EXTL3: variants seen among roughly 807,000 people sequenced by gnomAD.
EXTL3 encodes the protein exostosin-like 3.
A neutral mutation model predicts 69.3 loss-of-function variants in EXTL3; 27 were observed. The ratio of observed to expected loss-of-function variants is 0.39; its 90% CI spans 0.29 to 0.54. The LOEUF is 0.54. EXTL3 is among the 20% of genes least tolerant of loss of function. The pLI is 0.69. For missense variants in EXTL3, 1,003 were observed against 1,231.8 expected, an observed-to-expected ratio of 0.81 and a Z score of 2.78; for synonymous variants, 511 against 499.4, an observed-to-expected ratio of 1.02 and a Z score of -0.31.
chr8:28,680,385 CAAA>C (rs34805922), intron 1 of EXTL3, among the ~76,000 whole-genome samples: 1,139 of 110,820 alleles, frequency 0.01, 14 homozygotes, highest in African/African-American at 0.033. Context: ...GACTCTGTCT[CAAA>C]AAAAAAAAAA....
rs1199751139 is a variant in EXTL3 at position 28,731,244 on chromosome 8, A to G, written c.2170A>G (p.Ser724Gly). The G allele has an allele frequency of 1.9e-6, 3 of 1,614,068 alleles. No homozygotes were observed. The Admixed American group carries it at 5.0e-5, about 27-fold the overall frequency. The change falls in exon 4 of 7, where the codon AGT (serine) becomes GGT (glycine). Residue 724 changes from serine (S) to glycine (G), a missense_variant. Physicochemically the swap from Ser to Gly is moderately conservative, Grantham distance 56. This residue lies in a region of EXTL3 where 261 missense variants were observed against 416.4 expected (regional missense o/e 0.63). Transcript: ENST00000220562. Reference sequence around the variant, plus strand: ...ACAGGTGGTCCGTACTGAGAAGAACAGTTTGAACAACCGATTCTTACCCTG... The same window carrying G: ...ACAGGTGGTCCGTACTGAGAAGAACGGTTTGAACAACCGATTCTTACCCTG... ...PIMVVRTEKN[S>G]LNNRFLPWNE...
At chr8:28,690,038 G>A (rs1013731348) in intron 1 of EXTL3, among the ~76,000 whole-genome samples, 2 of 152,128 alleles carry the variant, frequency 1.3e-5, no homozygotes, top group African/African-American at 4.8e-5. Flanking sequence ...GCATCCCTGG[G>A]GGGCTACAGG....
chr8:28,677,919 C>T (rs1014543927), intron 1 of EXTL3, among the ~76,000 whole-genome samples: 9 of 152,246 alleles, frequency 5.9e-5, no homozygotes, highest in African/African-American at 2.2e-4. Flanking sequence ...TCATCTTCTT[C>T]TCTCTTTTGA....
At chr8:28,661,356 TACAC>T (rs112453996) in intron 1 of EXTL3, among the ~76,000 whole-genome samples, 8 of 151,698 alleles carry the variant, frequency 5.3e-5, no homozygotes, top group South Asian at 2.1e-4. Flanking sequence ...TATATATATA[TACAC>T]ACACACATAT....
intron 1 of EXTL3, among the ~76,000 whole-genome samples, chr8:28,630,888 CATGTCAGGAATGGCATGGTGCCAGGT>C: frequency 6.6e-6 from 1 of 152,176 alleles, no homozygotes; most frequent in Non-Finnish European, 1.5e-5. Context: ...AGAAGGAAGG[CATGTCAGGAATGGCATGGTGCCAGGT>C]ATATAGGAGA....
At chr8:28,648,959 T>C (rs1806876778) in intron 1 of EXTL3, among the ~76,000 whole-genome samples, 1 of 152,094 alleles carries the variant, frequency 6.6e-6, no homozygotes, top group Non-Finnish European at 1.5e-5. Flanking sequence ...AGTGGTGCAA[T>C]CTCGGCTCAC....
chr8:28,662,773 G>T (rs548508332), intron 1 of EXTL3, among the ~76,000 whole-genome samples: 75 of 152,238 alleles, frequency 4.9e-4, no homozygotes, highest in Admixed American at 9.8e-4. Context: ...TTAGCCAGGC[G>T]TGGTGGCACG....
At chr8:28,669,466 G>C (rs1484851037) in intron 1 of EXTL3, among the ~76,000 whole-genome samples, 1 of 152,152 alleles carries the variant, frequency 6.6e-6, no homozygotes. Flanking sequence ...TACTCTATTA[G>C]ATAAATTGAT....
At chr8:28,734,989 C>A (rs929487638) in intron 4 of EXTL3, among the ~76,000 whole-genome samples, 1 of 152,162 alleles carries the variant, frequency 6.6e-6, no homozygotes, top group Non-Finnish European at 1.5e-5. Flanking sequence ...TTCTTATTCT[C>A]CCCCACCCAG....
chr8:28,685,149 A>G (rs1563204081), intron 1 of EXTL3, among the ~76,000 whole-genome samples: 1 of 152,030 alleles, frequency 6.6e-6, no homozygotes, highest in Non-Finnish European at 1.5e-5. Flanking sequence ...GTGGAGTTTC[A>G]CCATGTTGGC....
chr8:28,704,943 C>T lies in EXTL3; in HGVS notation c.-570+3284C>T, dbSNP rs1295570226. The stretch of plus-strand genomic sequence containing the variant: ...GTGCTGGGATATAGGCTTGAGCCGC[C>T]GCATCCGGCTTCCTTTGTTTCTGAA... On this transcript the variant is annotated intron_variant, in intron 1 of 6. Coordinates refer to ENST00000220562, the MANE Select transcript of EXTL3 (RefSeq NM_001440.4). Among the ~76,000 whole-genome samples the T allele has an allele frequency of 6.6e-5, 10 of 152,232 alleles. No homozygotes were observed. In the East Asian group the frequency reaches 7.7e-4, roughly 12 times the overall value.
chr8:28,620,108 A>ATCTGACCTCTTGACCTC (rs56185931), upstream of EXTL3, among the ~76,000 whole-genome samples: 1 of 151,076 alleles, frequency 6.6e-6, no homozygotes, highest in Non-Finnish European at 1.5e-5. Context: ...CTCTTGACCT[A>ATCTGACCTCTTGACCTC]GTGATCTGCC....
At chr8:28,740,960 T>TC (rs1333884046) in intron 5 of EXTL3, 2 of 152,192 alleles carry the variant, frequency 1.3e-5, no homozygotes, top group Admixed American at 6.5e-5. Context: ...CTTTTTTTTT[T>TC]CTCTTCTTTT....
chr8:28,659,634 A>G (rs1585236029), intron 1 of EXTL3, among the ~76,000 whole-genome samples: 1 of 152,036 alleles, frequency 6.6e-6, no homozygotes, highest in South Asian at 2.1e-4. Flanking sequence ...CCCAGATGCA[A>G]CCCCAGGGTC....
In EXTL3 at chr8:28,718,305, G is replaced by A; in HGVS notation, c.2148+98G>A. On this transcript the variant is annotated intron_variant, in intron 3 of 6. Coordinates refer to ENST00000220562, the MANE Select transcript of EXTL3 (RefSeq NM_001440.4). ...TTCACTTTAGCAATCGTAACTTCTA[G>A]CAGAGGAGAATACATGCATACTCAT... 5 of 1,216,060 alleles carry A rather than the reference G, an allele frequency of 4.1e-6. No homozygotes were observed. The Admixed American group carries it at 7.4e-5, about 18-fold the overall frequency. 75.3% of individuals were successfully genotyped at this position (1,216,060 alleles called of 1,614,324 possible).
intron 3 of EXTL3, among the ~76,000 whole-genome samples, chr8:28,721,463 C>T (rs1801291075): frequency 6.6e-6 from 1 of 152,210 alleles, no homozygotes; most frequent in Non-Finnish European, 1.5e-5. Context: ...TTTTAGCTGT[C>T]TTTCTTGGTA....
chr8:28,671,151 T>A (rs2130641602), intron 1 of EXTL3, among the ~76,000 whole-genome samples: 1 of 152,046 alleles, frequency 6.6e-6, no homozygotes, highest in South Asian at 2.1e-4. Flanking sequence ...CAGCTAATTT[T>A]TTGTATTTTT....
chr8:28,748,866 T>C (rs946634363), intron 6 of EXTL3, among the ~76,000 whole-genome samples: 4 of 151,888 alleles, frequency 2.6e-5, no homozygotes, highest in African/African-American at 9.7e-5. Context: ...CCCAACATGT[T>C]GAGAGGCTGA....
chr8:28,686,745 G>A (rs1807584044), intron 1 of EXTL3, among the ~76,000 whole-genome samples: 1 of 152,174 alleles, frequency 6.6e-6, no homozygotes, highest in South Asian at 2.1e-4. Context: ...GACCAAGTAG[G>A]TAGATATTGC....
Sources: allele counts gnomAD v4.1 joint callset (sites outside exome capture counted in the v4.1 genomes callset), GRCh38; gene constraint gnomAD v4.1.1; regional missense constraint gnomAD v4.1.1; transcripts MANE v1.5; gene names NCBI Gene and HGNC (gene_info 2026-07-23, HGNC 2026-07-21).